BCAT1: variants seen among roughly 807,000 people sequenced by gnomAD.
The protein encoded by BCAT1 is branched-chain-amino-acid aminotransferase, cytosolic.
Under a neutral mutation model 52.4 loss-of-function variants are expected in BCAT1, and 48 were observed. That is an observed-to-expected ratio of 0.92 (90% CI 0.73 to 1.16). The LOEUF (loss-of-function observed/expected upper bound fraction) is 1.16. Among genes scored for constraint, BCAT1 ranks in the 50% most tolerant of loss-of-function variants. The pLI is 0.00. For missense variants in BCAT1, 451 were observed against 457.1 expected (o/e 0.99, Z 0.12); for synonymous variants, 167 against 161.3 (o/e 1.04, Z -0.27).
At chr12:24,931,234 C>T (rs935168180) in intron 1 of BCAT1, among the ~76,000 whole-genome samples, 2 of 151,894 alleles carry the variant, frequency 1.3e-5, no homozygotes, top group Admixed American at 6.6e-5. Flanking sequence ...AAGGATTAAT[C>T]AGAAGAAATA....
chr12:24,871,013 ACTCTGT>A (rs1942171106), intron 5 of BCAT1, among the ~76,000 whole-genome samples: 1 of 151,736 alleles, frequency 6.6e-6, no homozygotes, highest in African/African-American at 2.4e-5. Context: ...ACAGAGCAAG[ACTCTGT>A]CTCAAAAAAA....
intron 5 of BCAT1, among the ~76,000 whole-genome samples, chr12:24,856,967 G>C (rs765940134): frequency 2.0e-5 from 3 of 152,048 alleles, no homozygotes. Context: ...TGAATTTTGG[G>C]GTTCCTGTCA....
chr12:24,841,254 T>C (rs973187764), intron 7 of BCAT1, among the ~76,000 whole-genome samples: 1 of 152,218 alleles, frequency 6.6e-6, no homozygotes, highest in Non-Finnish European at 1.5e-5. Flanking sequence ...TAGAGTAAAT[T>C]TGGAGAGATT....
At chr12:24,881,180 TA>T (rs1192759609) in intron 4 of BCAT1, 120 bp downstream of exon 4, 7 of 712,806 alleles carry the variant, frequency 9.8e-6, no homozygotes, top group Non-Finnish European at 1.6e-5. Context: ...GAAATAATGT[TA>T]ATGTTCATAT....
chr12:24,857,057 A>C (rs1282027874), intron 5 of BCAT1, among the ~76,000 whole-genome samples: 1 of 152,096 alleles, frequency 6.6e-6, no homozygotes, highest in Admixed American at 6.5e-5. Context: ...TTCTCGGAGG[A>C]GCAATGGAGA....
intron 1 of BCAT1, among the ~76,000 whole-genome samples, chr12:24,925,656 A>G (rs1317496629): frequency 6.6e-6 from 1 of 151,592 alleles, no homozygotes; most frequent in Admixed American, 6.6e-5. Context: ...GCTGGACTGT[A>G]CTGCTGCCAT....
chr12:24,879,701 A>G (rs1249023611), intron 4 of BCAT1, among the ~76,000 whole-genome samples: 1 of 152,222 alleles, frequency 6.6e-6, no homozygotes. Context: ...ACCAGGAATA[A>G]AAACACCTGG....
intron 5 of BCAT1, among the ~76,000 whole-genome samples, chr12:24,874,104 AG>A (rs1390716972): frequency 1.3e-5 from 2 of 152,162 alleles, no homozygotes; most frequent in African/African-American, 2.4e-5. Flanking sequence ...ACCTGAGGTC[AG>A]GAGTTTGGGA....
chr12:24,872,296 C>T (rs1031934054), intron 5 of BCAT1, among the ~76,000 whole-genome samples: 1 of 152,150 alleles, frequency 6.6e-6, no homozygotes, highest in Non-Finnish European at 1.5e-5. Flanking sequence ...GTGGAGTGAA[C>T]CAGAAATGAA....
chr12:24,830,207 T>C (rs1940598211), intron 9 of BCAT1: 1 of 238,994 alleles, frequency 4.2e-6, no homozygotes, highest in Non-Finnish European at 8.0e-6. Flanking sequence ...CCTAAAATAG[T>C]GGCTAAACTT....
intron 1 of BCAT1, among the ~76,000 whole-genome samples, chr12:24,924,198 G>GTAACT (rs1425792041): frequency 6.6e-6 from 1 of 151,938 alleles, no homozygotes; most frequent in Non-Finnish European, 1.5e-5. Context: ...GTAATTCTTA[G>GTAACT]TAACTTGTAA....
intron 1 of BCAT1, among the ~76,000 whole-genome samples, chr12:24,942,026 G>A (rs1207609535): frequency 2.6e-5 from 4 of 152,196 alleles, no homozygotes; most frequent in African/African-American, 9.7e-5. Context: ...CTAAACTCAG[G>A]AGACAATGGA....
intron 10 of BCAT1, among the ~76,000 whole-genome samples, chr12:24,823,488 C>T (rs778281366): frequency 9.9e-5 from 15 of 152,140 alleles, no homozygotes; most frequent in Non-Finnish European, 1.6e-4. Flanking sequence ...AGAACATTTA[C>T]TTTAGTCACT....
intron 6 of BCAT1, among the ~76,000 whole-genome samples, chr12:24,846,693 A>G (rs1941353753): frequency 1.3e-5 from 2 of 152,200 alleles, no homozygotes; most frequent in South Asian, 2.1e-4. Context: ...AAATGCTCTA[A>G]AATCTAAAAC....
At chr12:24,927,865 A>G (rs1943615909) in intron 1 of BCAT1, among the ~76,000 whole-genome samples, 5 of 152,330 alleles carry the variant, frequency 3.3e-5, no homozygotes, top group Middle Eastern at 3.4e-3. Context: ...ACTGCCCTTC[A>G]CACCCACTTT....
chr12:24,832,886 C>A, intron 8 of BCAT1, 23 bp from the exon 9 acceptor site: 1 of 1,587,446 alleles, frequency 6.3e-7, no homozygotes, highest in Non-Finnish European at 8.6e-7. Context: ...TAAAAAATAA[C>A]AAGTATATTT....
intron 1 of BCAT1, among the ~76,000 whole-genome samples, chr12:24,943,939 G>C (rs961734149): frequency 2.6e-5 from 4 of 151,224 alleles, no homozygotes; most frequent in East Asian, 1.9e-4. Context: ...AGCCGAGATC[G>C]CACCACTGTA....
At position 24,829,840 on chromosome 12, in the gene BCAT1, T is replaced by C. The variant is rs1940576312; in HGVS notation, c.1102A>G (p.Lys368Glu). 1 of 1,610,620 alleles carries C rather than the reference T, an allele frequency of 6.2e-7. No homozygotes were observed. The highest frequency in any genetic ancestry group is 8.5e-7 in the Non-Finnish European group (1 of 1,178,168). The change falls in exon 10 of 11, where the codon AAA (lysine) becomes GAA (glutamate). Residue 368 changes from lysine to glutamate, a missense_variant. Lys to Glu is a moderately conservative substitution (Grantham distance 56). Transcript: ENST00000261192. Reference sequence around the variant, plus strand: ...AGCTTTACCTGGATATCAGTTAATTTGCTCAAGATGCGGCTTGCCAGCTTA... The same window carrying C: ...AGCTTTACCTGGATATCAGTTAATTCGCTCAAGATGCGGCTTGCCAGCTTA... ...GPKLASRILS[K>E]LTDIQYGREE...
intron 10 of BCAT1, among the ~76,000 whole-genome samples, chr12:24,822,405 G>A (rs976461994): frequency 6.6e-6 from 1 of 152,126 alleles, no homozygotes; most frequent in Non-Finnish European, 1.5e-5. Flanking sequence ...AGGTTTTTTC[G>A]GTGGCTGTTG....
Sources: gnomAD v4.1 joint callset for allele counts (sites outside exome capture counted in the v4.1 genomes callset) on GRCh38, gnomAD v4.1.1 for gene constraint, MANE v1.5 for transcripts, NCBI Gene and HGNC (gene_info 2026-07-23, HGNC 2026-07-21) for gene names.